The following FMR1NB variants were observed in gnomAD, a reference collection of about 807,000 sequenced individuals.
FMR1NB encodes the protein FMR1 neighbor.
In FMR1NB, 10 loss-of-function variants were observed where a neutral mutation model predicts 16.8. That is an observed-to-expected ratio of 0.60 (90% CI 0.37 to 1.01). The LOEUF is 1.01. Among genes scored for constraint, FMR1NB ranks in the 50% least tolerant of loss-of-function variants. The pLI is 0.01. For synonymous variants in FMR1NB, 83 were observed against 79.1 expected (o/e 1.05, Z -0.26); for missense variants, 205 against 204.8 (o/e 1.00, Z 0.00).
intron 1 of FMR1NB, among the ~76,000 whole-genome samples, chrX:147,998,164 T>C (rs1791549123): frequency 8.9e-6 from 1 of 112,542 alleles, no homozygotes; most frequent in Admixed American, 9.4e-5. Context: ...CGTATGTTTA[T>C]TGCAGCACTA....
chrX:148,024,804 T>C, intron 4 of FMR1NB, 61 bp from the exon 5 acceptor site: 1 of 1,166,873 alleles, frequency 8.6e-7, no homozygotes, highest in South Asian at 2.0e-5. Flanking sequence ...CTTATAACCC[T>C]CCCATTGTTA....
chrX:148,022,251 G>A (rs1225123189), intron 4 of FMR1NB, among the ~76,000 whole-genome samples: 2 of 85,940 alleles, frequency 2.3e-5, no homozygotes, highest in East Asian at 5.6e-4. Context: ...TCAGGCTGCA[G>A]GCCTCATCTT....
chrX:148,014,788 GCGTGTGCCACCACA>G (rs1370182487), intron 4 of FMR1NB, among the ~76,000 whole-genome samples: 1 of 111,148 alleles, frequency 9.0e-6, no homozygotes, highest in African/African-American at 3.3e-5. Context: ...AGGACCACAG[GCGTGTGCCACCACA>G]CCCAACTAAT....
In FMR1NB at chrX:147,981,634, A is replaced by G. The variant is rs1557186517; in HGVS notation, c.232A>G (p.Ile78Val). Reference sequence around the variant, plus strand: ...TGGGATGCTCATGCTCTCCATTTGGATCCTGCTGTTCGTGTGCTACTACCT... The same window carrying G: ...TGGGATGCTCATGCTCTCCATTTGGGTCCTGCTGTTCGTGTGCTACTACCT... ...PFGMLMLSIWILLFVCYYLSY... is the reference protein window; with the variant it reads ...PFGMLMLSIWVLLFVCYYLSY... Residue 78 changes from isoleucine to valine, a missense_variant, in exon 1 of 6, where the codon ATC becomes GTC. Coordinates refer to ENST00000370467, the MANE Select transcript of FMR1NB (RefSeq NM_152578.3). 2.5e-6 allele frequency: 3 copies of G among 1,203,928 alleles called. No individual in the cohort carries two copies. The highest frequency in any genetic ancestry group is 3.0e-5 in the East Asian group (1 of 33,263).
At chrX:148,006,120 T>TG (rs34126059) in intron 2 of FMR1NB, among the ~76,000 whole-genome samples, 16,415 of 111,618 alleles carry the variant, frequency 0.15, 1,657 homozygotes, top group African/African-American at 0.37. Flanking sequence ...TGCAGTTGCA[T>TG]AATCTTGGTG....
rs77654498 is a variant in FMR1NB at position 148,014,665 on chromosome X, G to A, written c.632+5954G>A. Among the ~76,000 whole-genome samples, 23 of 110,927 alleles carry A rather than the reference G, an allele frequency of 2.1e-4. No homozygotes were observed. The East Asian group carries it at 6.3e-3, about 30-fold the overall frequency. On this transcript the variant is annotated intron_variant, in intron 4 of 5. Transcript: ENST00000370467. ...TAAACTTGGGAATTTTTTTTTTTAA[G>A]ACAAGTTCTCGCTCTGTCACCCAGG...
chrX:148,013,568 G>T (rs2044635552), intron 4 of FMR1NB, among the ~76,000 whole-genome samples: 1 of 112,015 alleles, frequency 8.9e-6, no homozygotes, highest in African/African-American at 3.2e-5. Flanking sequence ...ACGTTTCATG[G>T]ATGTGTTTAA....
At chrX:148,006,884 A>G (rs1401065051) in intron 3 of FMR1NB, 42 bp downstream of exon 3, 1 of 1,137,751 alleles carries the variant, frequency 8.8e-7, no homozygotes, top group African/African-American at 1.8e-5. Flanking sequence ...TTTTAATATT[A>G]AATAAACAGA....
At position 147,996,866 on chromosome X, in the gene FMR1NB, A is replaced by G. The variant is rs151136364; in HGVS notation, c.278-6335A>G. 8.5e-3 allele frequency among the ~76,000 whole-genome samples: 957 copies of G among 112,187 alleles called. 25 individuals are homozygous for G. The highest frequency in any genetic ancestry group is 0.085 in the Admixed American group (894 of 10,531). On this transcript the variant is annotated intron_variant, in intron 1 of 5. Coordinates refer to ENST00000370467, the MANE Select transcript of FMR1NB (RefSeq NM_152578.3). ...AAATTCTTTGTGACAAGGAAACATA[A>G]TTCGTTCTTTAATATTTTCTGCTAC...
chrX:148,024,768 T>C lies in FMR1NB; in HGVS notation c.633-97T>C, dbSNP rs1470794129. The C allele has an allele frequency of 5.0e-6, 5 of 1,008,852 alleles. No individual in the cohort carries two copies. The East Asian group carries it at 9.2e-5, about 19-fold the overall frequency. The allele number at this position is 1,008,852 out of a possible 1,213,427, so 83.1% of individuals were successfully genotyped here. ...GTTAAAAATATCAGGTGGGAAAGTA[T>C]AGTTATCTGGGCAAATATTTTTTTC... On this transcript the variant is annotated intron_variant, in intron 4 of 5. Transcript: ENST00000370467.
chrX:147,993,782 T>G (rs2044527340), intron 1 of FMR1NB, among the ~76,000 whole-genome samples: 1 of 109,966 alleles, frequency 9.1e-6, no homozygotes, highest in African/African-American at 3.3e-5. Flanking sequence ...CAAAAGTTCT[T>G]CTCCCCACTC....
intron 1 of FMR1NB, among the ~76,000 whole-genome samples, chrX:147,982,065 G>A (rs1325172439): frequency 2.7e-5 from 3 of 111,606 alleles, no homozygotes; most frequent in Non-Finnish European, 3.8e-5. Context: ...TGAAGCAGGT[G>A]GATCACTTGA....
intron 2 of FMR1NB, among the ~76,000 whole-genome samples, chrX:148,006,448 T>C (rs1234392608): frequency 8.9e-6 from 1 of 112,415 alleles, no homozygotes; most frequent in Non-Finnish European, 1.9e-5. Flanking sequence ...TGATTTATTG[T>C]CCTTTTAAAC....
At position 147,990,518 on chromosome X, in the gene FMR1NB, T is replaced by C. The variant is rs1557187500; in HGVS notation, c.277+8839T>C. ...ATGTATTTTTGGGGTATATGTGATA[T>C]TTTAATATGTATATACAATGTGTAG... On this transcript the variant is annotated intron_variant, in intron 1 of 5. Coordinates refer to ENST00000370467, the MANE Select transcript of FMR1NB (RefSeq NM_152578.3). 2.7e-5 allele frequency among the ~76,000 whole-genome samples: 3 copies of C among 111,977 alleles called. No homozygotes were observed. In the Admixed American group the frequency reaches 2.8e-4, roughly 11 times the overall value.
At chrX:148,024,400 A>G (rs112495969) in intron 4 of FMR1NB, among the ~76,000 whole-genome samples, 4,144 of 111,787 alleles carry the variant, frequency 0.037, 105 homozygotes, top group African/African-American at 0.082. Flanking sequence ...ACAAGGAGGT[A>G]CGAGATTGTA....
intron 1 of FMR1NB, among the ~76,000 whole-genome samples, chrX:147,998,796 A>G (rs1557188411): frequency 8.9e-6 from 1 of 112,375 alleles, no homozygotes; most frequent in Non-Finnish European, 1.9e-5. Context: ...GATAGACTAC[A>G]CTTTGAGACA....
At chrX:148,005,278 C>T (rs1339506023) in intron 2 of FMR1NB, among the ~76,000 whole-genome samples, 1 of 111,854 alleles carries the variant, frequency 8.9e-6, no homozygotes, top group African/African-American at 3.3e-5. Flanking sequence ...AGTCTAGTCT[C>T]TTCTACGATT....
chrX:148,014,420 A>G (rs1372939448), intron 4 of FMR1NB, among the ~76,000 whole-genome samples: 1 of 112,089 alleles, frequency 8.9e-6, no homozygotes, highest in Non-Finnish European at 1.9e-5. Flanking sequence ...ATTTCATTAT[A>G]TCATTCAAGA....
intron 2 of FMR1NB, among the ~76,000 whole-genome samples, chrX:148,004,626 A>G (rs1048362598): frequency 8.9e-6 from 1 of 112,176 alleles, no homozygotes; most frequent in Non-Finnish European, 1.9e-5. Flanking sequence ...TTCTTCCCCC[A>G]CATAATTGAA....
Sources: allele counts gnomAD v4.1 joint callset (sites outside exome capture counted in the v4.1 genomes callset), GRCh38; gene constraint gnomAD v4.1.1; transcripts MANE v1.5; gene names NCBI Gene and HGNC (gene_info 2026-07-23, HGNC 2026-07-21).